Variants in SHE observed in about 807,000 individuals in gnomAD.
SHE encodes the protein SH2 domain-containing adapter protein E.
A neutral mutation model predicts 49.8 loss-of-function variants in SHE; 11 were observed. The ratio of observed to expected loss-of-function variants is 0.22; its 90% CI spans 0.14 to 0.37. SHE has a LOEUF of 0.37. SHE is among the 10% of genes least tolerant of loss of function. SHE has a pLI of 1.00. For synonymous variants in SHE, 310 were observed against 278.1 expected (o/e 1.11, Z -1.14); for missense variants, 624 against 655.5 (o/e 0.95, Z 0.52).
Position 154,480,079 on chromosome 1 carries a change from A to C in SHE, c.*4070T>G. On this transcript the variant is annotated 3_prime_UTR_variant, in exon 6 of 6. Coordinates refer to ENST00000304760, the MANE Select transcript of SHE (RefSeq NM_001010846.3). ...GGAGGGTAAGTTGAACAGAAGGCCC[A>C]CTGCACAGCAGGCCAAGTTTCTCTA... The C allele has an allele frequency of 1.0e-6, 1 of 985,530 alleles. No homozygotes were observed. The highest frequency in any genetic ancestry group is 1.2e-6 in the Non-Finnish European group (1 of 829,944). The allele number at this position is 985,530 out of a possible 1,614,324, so 61.0% of individuals were successfully genotyped here.
intron 1 of SHE, among the ~76,000 whole-genome samples, chr1:154,470,755 G>A (rs949287792): frequency 2.0e-5 from 3 of 152,152 alleles, no homozygotes; most frequent in Admixed American, 6.6e-5. Context: ...CAGGAGAATC[G>A]CTTGAACCTG....
chr1:154,471,703 C>G (rs60987114), intron 1 of SHE, among the ~76,000 whole-genome samples: 107,759 of 149,360 alleles, frequency 0.72, 39,457 homozygotes, highest in East Asian at 0.83. Flanking sequence ...CTCTCTCTCT[C>G]TCTGTGTGTG....
chr1:154,478,426 T>C (rs1691935651), downstream of SHE, among the ~76,000 whole-genome samples: 1 of 36,652 alleles, frequency 2.7e-5, no homozygotes, highest in South Asian at 9.4e-4. Context: ...TCATAAAAAG[T>C]GCAAAAAAAA....
downstream of SHE, among the ~76,000 whole-genome samples, chr1:154,477,276 C>G (rs557345310): frequency 2.0e-5 from 3 of 152,318 alleles, no homozygotes; most frequent in South Asian, 4.1e-4. Flanking sequence ...AATGTCCAGT[C>G]TGCTAGATGC....
chr1:154,472,866 T>C (rs1448178237), intron 1 of SHE, among the ~76,000 whole-genome samples: 2 of 152,120 alleles, frequency 1.3e-5, no homozygotes, highest in Non-Finnish European at 2.9e-5. Flanking sequence ...AATTACCTAA[T>C]AATAATGGCT....
chr1:154,498,983 GT>G (rs1692621516), intron 2 of SHE, 128 bp downstream of exon 2: 4 of 1,225,640 alleles, frequency 3.3e-6, no homozygotes, highest in Non-Finnish European at 3.3e-6. Flanking sequence ...TCTAATTTCT[GT>G]TTCTTCAAGT....
downstream of SHE, among the ~76,000 whole-genome samples, chr1:154,478,741 T>A (rs1403923571): frequency 6.6e-6 from 1 of 152,204 alleles, no homozygotes; most frequent in Non-Finnish European, 1.5e-5. Context: ...ACGTGTTCAA[T>A]CTGAATTCTG....
chr1:154,501,709 G>A lies in SHE; in HGVS notation c.318C>T (p.Asp106=), dbSNP rs2149302689. The A allele has an allele frequency of 1.2e-6, 2 of 1,607,972 alleles. No homozygotes were observed. Among genetic ancestry groups the A allele is most frequent in the Non-Finnish European group, 1.7e-6 (2 of 1,178,086 alleles). The change falls in exon 1 of 6, where the codon GAC becomes GAT. Residue 106 remains aspartate (D), a synonymous_variant. Transcript: ENST00000304760. ...VGPKDSRLSR[D]SLQGLIQAAA... The stretch of plus-strand genomic sequence containing the variant: ...CGGCCTGAATCAGACCCTGCAGGCT[G>A]TCGCGGGACAGCCGGCTGTCCTTGG...
downstream of SHE, among the ~76,000 whole-genome samples, chr1:154,475,188 GTTCTT>G (rs1691847710): frequency 6.6e-6 from 1 of 152,058 alleles, no homozygotes; most frequent in Non-Finnish European, 1.5e-5. Flanking sequence ...CCTCTGCAAT[GTTCTT>G]TTTTCTTTTT....
chr1:154,472,310 C>T (rs367869533), intron 1 of SHE, among the ~76,000 whole-genome samples: 6 of 152,356 alleles, frequency 3.9e-5, no homozygotes, highest in African/African-American at 7.2e-5. Flanking sequence ...GCACCACTCA[C>T]GCAGGCAGCG....
intron 2 of SHE, among the ~76,000 whole-genome samples, chr1:154,496,284 TTAG>T (rs939443355): frequency 2.0e-4 from 31 of 152,198 alleles, no homozygotes; most frequent in African/African-American, 7.5e-4. Context: ...GTTTAGAAAG[TTAG>T]TAATTTGGAT....
Position 154,489,054 on chromosome 1 carries a change from A to G in SHE, c.1021T>C (p.Ser341Pro). The change falls in exon 3 of 6, where the codon TCA (serine) becomes CCA (proline). Residue 341 changes from serine (S) to proline (P), a missense_variant. Coordinates refer to ENST00000304760, the MANE Select transcript of SHE (RefSeq NM_001010846.3). ...WKKEQIVRAL[S>P]VQFEGAERPS... ...GGGCCTGGCCTGGCGCCCTCACCTG[A>G]CAGAGCCCGCACGATCTGCTCCTTC... The G allele has an allele frequency of 6.4e-7, 1 of 1,563,366 alleles. No individual in the cohort carries two copies. Among genetic ancestry groups the G allele is most frequent in the Non-Finnish European group, 8.7e-7 (1 of 1,153,230 alleles).
Position 154,483,812 on chromosome 1 carries a change from C to A in SHE, c.*337G>T. On this transcript the variant is annotated 3_prime_UTR_variant, in exon 6 of 6. Transcript: ENST00000304760. ...TTTGAGACCAGCCTGACGAAGACGG[C>A]GAAACCCCATCTCTACTAAAAATAC... 1.2e-6 allele frequency: 1 copy of A among 869,396 alleles called. No homozygotes were observed. Among genetic ancestry groups the A allele is most frequent in the Non-Finnish European group, 1.4e-6 (1 of 712,344 alleles). 53.9% of individuals were successfully genotyped at this position (869,396 alleles called of 1,614,324 possible). A position where few individuals can be genotyped will look rare whatever the true frequency, so the allele number is the denominator to read the frequency against.
At chr1:154,497,701 A>G (rs1213714724) in intron 2 of SHE, among the ~76,000 whole-genome samples, 1 of 151,204 alleles carries the variant, frequency 6.6e-6, no homozygotes, top group Non-Finnish European at 1.5e-5. Context: ...TTTTTTTGAG[A>G]CAGAGTTTCC....
Position 154,482,531 on chromosome 1 carries a change from A to G in SHE, c.*1618T>C, listed in dbSNP as rs1692048975. On this transcript the variant is annotated 3_prime_UTR_variant, in exon 6 of 6. Transcript: ENST00000304760. ...AATCAACATTTTGTGTGTATTTATA[A>G]GCTACAAAGGTTAACTTTTCATTGA... The G allele has an allele frequency of 1.0e-6, 1 of 985,332 alleles. No homozygotes were observed. Among genetic ancestry groups the G allele is most frequent in the South Asian group, 4.7e-5 (1 of 21,290 alleles). 61.0% of individuals were successfully genotyped at this position (985,332 alleles called of 1,614,324 possible). A position where few individuals can be genotyped will look rare whatever the true frequency, so the allele number is the denominator to read the frequency against.
rs1282707986 is a variant in SHE, at chr1:154,484,238, C to T, written c.1399G>A (p.Val467Met). The change falls in exon 6 of 6, where the codon GTG becomes ATG. Residue 467 changes from valine to methionine, a missense_variant. This residue lies in a region of SHE where 125 missense variants were observed against 181.7 expected (regional missense o/e 0.69). Coordinates refer to ENST00000304760, the MANE Select transcript of SHE (RefSeq NM_001010846.3). Reference sequence around the variant, plus strand: ...TTTTCATTGGAATAATAGTGTACCACTTCAGGGATGCTGTCAAACACAGCG... The same window carrying T: ...TTTTCATTGGAATAATAGTGTACCATTTCAGGGATGCTGTCAAACACAGCG... ...TSAVFDSIPE[V>M]VHYYSNEKLP... 6.2e-7 allele frequency: 1 copy of T among 1,614,124 alleles called. No individual in the cohort carries two copies. Among genetic ancestry groups the T allele is most frequent in the Non-Finnish European group, 8.5e-7 (1 of 1,180,058 alleles).
chr1:154,499,895 T>C (rs1274860792), intron 1 of SHE, among the ~76,000 whole-genome samples: 1 of 152,170 alleles, frequency 6.6e-6, no homozygotes, highest in African/African-American at 2.4e-5. Flanking sequence ...GGATCCCCTA[T>C]TTTGTGTCAG....
intron 1 of SHE, among the ~76,000 whole-genome samples, chr1:154,472,413 C>G (rs1205319861): frequency 6.6e-6 from 1 of 152,208 alleles, no homozygotes; most frequent in Non-Finnish European, 1.5e-5. Flanking sequence ...GATTCCAGTT[C>G]AATAGGTCTG....
chr1:154,498,157 A>G (rs1294436244), intron 2 of SHE, among the ~76,000 whole-genome samples: 8 of 151,846 alleles, frequency 5.3e-5, no homozygotes, highest in Admixed American at 4.6e-4. Context: ...CAATGGCTCA[A>G]TCTTGGCTCA....
Sources: allele counts gnomAD v4.1 joint callset (sites outside exome capture counted in the v4.1 genomes callset), GRCh38; gene constraint gnomAD v4.1.1; regional missense constraint gnomAD v4.1.1; transcripts MANE v1.5; gene names NCBI Gene and HGNC (gene_info 2026-07-23, HGNC 2026-07-21).